Variants in LRRC55 observed in about 807,000 individuals in gnomAD.
The protein encoded by LRRC55 is leucine rich repeat containing 55.
In LRRC55, 11 loss-of-function variants were observed where a neutral mutation model predicts 20.5. The observed-to-expected ratio is 0.54, with a 90% CI of 0.34 to 0.89. The LOEUF is 0.89. Among genes scored for constraint, LRRC55 ranks in the 40% least tolerant of loss-of-function variants. The pLI is 0.02. For missense variants in LRRC55, 358 were observed against 390.9 expected, an observed-to-expected ratio of 0.92 and a Z score of 0.71; for synonymous variants, 188 against 166.6, an observed-to-expected ratio of 1.13 and a Z score of -0.99.
chr11:57,183,511 G>A (rs1854389777), intron 1 of LRRC55, among the ~76,000 whole-genome samples: 1 of 152,192 alleles, frequency 6.6e-6, no homozygotes, highest in Non-Finnish European at 1.5e-5. Context: ...GCTAAGTGTT[G>A]AAGCCAGGAT....
At chr11:57,183,171 G>A (rs962480828) in intron 1 of LRRC55, among the ~76,000 whole-genome samples, 1 of 152,160 alleles carries the variant, frequency 6.6e-6, no homozygotes, top group African/African-American at 2.4e-5. Context: ...AAAGTGGCAG[G>A]ACCATGAATA....
At position 57,182,193 on chromosome 11, in the gene LRRC55, C is replaced by A; in HGVS notation, c.171C>A (p.Phe57Leu). The A allele has an allele frequency of 6.2e-7, 1 of 1,614,214 alleles. No homozygotes were observed. Among genetic ancestry groups the A allele is most frequent in the South Asian group, 1.1e-5 (1 of 91,088 alleles). ...QVVDCSSQRLFSVPPDLPMDT... is the reference protein window; with the variant it reads ...QVVDCSSQRLLSVPPDLPMDT... Reference sequence around the variant, plus strand: ...TGGATTGTAGCAGCCAGCGGCTATTCTCCGTGCCCCCAGACCTGCCAATGG... The same window carrying A: ...TGGATTGTAGCAGCCAGCGGCTATTATCCGTGCCCCCAGACCTGCCAATGG... The change falls in exon 1 of 2, where the codon TTC (phenylalanine) becomes TTA (leucine). Residue 57 changes from phenylalanine to leucine, a missense_variant. Coordinates refer to ENST00000497933, the MANE Select transcript of LRRC55 (RefSeq NM_001005210.4).
intron 1 of LRRC55, among the ~76,000 whole-genome samples, chr11:57,185,729 G>T (rs1854423949): frequency 6.6e-6 from 1 of 152,146 alleles, no homozygotes; most frequent in Admixed American, 6.5e-5. Context: ...TCAAAAGCTG[G>T]TGCCTAAAGC....
Position 57,188,766 on chromosome 11 carries a change from A to G in LRRC55, c.*1286A>G, listed in dbSNP as rs1258534766. On this transcript the variant is annotated 3_prime_UTR_variant, in exon 2 of 2. Transcript: ENST00000497933. ...GAGTTATATAAATTCAAATTCAACTAGAGCTGACAAAGTTCCTCATAAGGT... is the reference window on the plus strand; with the variant it reads ...GAGTTATATAAATTCAAATTCAACTGGAGCTGACAAAGTTCCTCATAAGGT... 6.6e-6 allele frequency: 1 copy of G among 152,256 alleles called. No homozygotes were observed. The highest frequency in any genetic ancestry group is 1.5e-5 in the Non-Finnish European group (1 of 68,052). The allele number at this position is 152,256 out of a possible 1,614,324, so 9.4% of individuals were successfully genotyped here.
Position 57,187,704 on chromosome 11 carries a change from T to G in LRRC55, c.*224T>G, listed in dbSNP as rs1377875156. 1 of 605,122 alleles carries G rather than the reference T, an allele frequency of 1.7e-6. No homozygotes were observed. The highest frequency in any genetic ancestry group is 2.9e-6 in the Non-Finnish European group (1 of 342,244). 37.5% of individuals were successfully genotyped at this position (605,122 alleles called of 1,614,324 possible). ...GACTCAGTCCCTGCCCTCAAGGCAC[T>G]TCCCTCTGGTCAAGGAGAGAGATCC... On this transcript the variant is annotated 3_prime_UTR_variant, in exon 2 of 2. Coordinates refer to ENST00000497933, the MANE Select transcript of LRRC55 (RefSeq NM_001005210.4).
chr11:57,182,760 G>A, intron 1 of LRRC55, 77 bp downstream of exon 1: 2 of 1,370,872 alleles, frequency 1.5e-6, no homozygotes, highest in East Asian at 2.5e-5. Flanking sequence ...AAGAAAGCGG[G>A]GGAACTTAGA....
In LRRC55 at chr11:57,187,393, T is replaced by C; in HGVS notation, c.810T>C (p.Ile270=). 1 of 1,614,238 alleles carries C rather than the reference T, an allele frequency of 6.2e-7. No individual in the cohort carries two copies. Among genetic ancestry groups the C allele is most frequent in the Non-Finnish European group, 8.5e-7 (1 of 1,180,036 alleles). Residue 270 remains isoleucine (I), a synonymous_variant, in exon 2 of 2, where the codon ATT becomes ATC. Transcript: ENST00000497933. ...FIAFVGFVVS[I]ASVATNFLLG... is the part of the protein sequence containing the mutation. ...CGTTCGTGGGCTTCGTGGTCTCCATTGCTTCTGTGGCCACCAACTTCCTCC... is the reference window on the plus strand; with the variant it reads ...CGTTCGTGGGCTTCGTGGTCTCCATCGCTTCTGTGGCCACCAACTTCCTCC...
At position 57,182,673 on chromosome 11, in the gene LRRC55, C is replaced by A. The variant is rs201427141; in HGVS notation, c.651C>A (p.Arg217=). 1 of 1,510,664 alleles carries A rather than the reference C, an allele frequency of 6.6e-7. No homozygotes were observed. The highest frequency in any genetic ancestry group is 2.3e-5 in the Admixed American group (1 of 44,012). 93.6% of individuals were successfully genotyped at this position (1,510,664 alleles called of 1,614,324 possible). A position where few individuals can be genotyped will look rare whatever the true frequency, so the allele number is the denominator to read the frequency against. The change falls in exon 1 of 2, where the codon CGC becomes CGA. Residue 217 remains arginine (R), a synonymous_variant. Coordinates refer to ENST00000497933, the MANE Select transcript of LRRC55 (RefSeq NM_001005210.4). ...LLKWLRNRIQ[R]CTADSQLAEC... Reference sequence around the variant, plus strand: ...AGTGGCTGCGAAACCGGATCCAGCGCTGTACAGCAGGTAATAGAGGGGCAG... The same window carrying A: ...AGTGGCTGCGAAACCGGATCCAGCGATGTACAGCAGGTAATAGAGGGGCAG...
At chr11:57,186,830 C>T (rs1854437182) in intron 1 of LRRC55, among the ~76,000 whole-genome samples, 1 of 152,202 alleles carries the variant, frequency 6.6e-6, no homozygotes, top group Non-Finnish European at 1.5e-5. Context: ...GAAGGTGTGG[C>T]AGGACATCAG....
At chr11:57,186,721 C>A (rs548784934) in intron 1 of LRRC55, among the ~76,000 whole-genome samples, 25 of 152,220 alleles carry the variant, frequency 1.6e-4, no homozygotes, top group African/African-American at 6.0e-4. Flanking sequence ...AAGTAAGGAA[C>A]AGAGTGGAAG....
At position 57,182,534 on chromosome 11, in the gene LRRC55, A is replaced by C. The variant is rs1288095561; in HGVS notation, c.512A>C (p.Tyr171Ser). 1 of 1,584,580 alleles carries C rather than the reference A, an allele frequency of 6.3e-7. No homozygotes were observed. Among genetic ancestry groups the C allele is most frequent in the South Asian group, 1.1e-5 (1 of 87,040 alleles). ...CAGCTCCGAGACCTGGACCTCAGTTATGGGGGCCTGGCCTTCCTCAGCCTG... is the reference window on the plus strand; with the variant it reads ...CAGCTCCGAGACCTGGACCTCAGTTCTGGGGGCCTGGCCTTCCTCAGCCTG... ...LMQLRDLDLS[Y>S]GGLAFLSLEA... is the part of the protein sequence containing the mutation. The change falls in exon 1 of 2, where the codon TAT (tyrosine) becomes TCT (serine). Residue 171 changes from tyrosine to serine, a missense_variant. This residue lies in a region of LRRC55 where 178 missense variants were observed against 207.9 expected (regional missense o/e 0.86). Transcript: ENST00000497933.
Position 57,185,881 on chromosome 11 carries a change from C to T in LRRC55, c.662-1364C>T, listed in dbSNP as rs556587119. ...TCAATGCTGAAAATAACAATAACCC[C>T]ACCAGAAAAAGCAGCCCCCTCCTAC... On this transcript the variant is annotated intron_variant, in intron 1 of 1. Coordinates refer to ENST00000497933, the MANE Select transcript of LRRC55 (RefSeq NM_001005210.4). Among the ~76,000 whole-genome samples, 17 of 152,058 alleles carry T rather than the reference C, an allele frequency of 1.1e-4. 1 individual carries two copies. The South Asian group carries it at 3.5e-3, about 32-fold the overall frequency.
Position 57,182,268 on chromosome 11 carries a change from T to C in LRRC55, c.246T>C (p.Pro82=). 6 of 1,614,192 alleles carry C rather than the reference T, an allele frequency of 3.7e-6. No individual in the cohort carries two copies. The highest frequency in any genetic ancestry group is 4.2e-6 in the Non-Finnish European group (5 of 1,180,014). Residue 82 remains proline (P), a synonymous_variant, in exon 1 of 2, where the codon CCT becomes CCC. Coordinates refer to ENST00000497933, the MANE Select transcript of LRRC55 (RefSeq NM_001005210.4). ...ACAACCGCATCACAGCAGTGCCGCC[T>C]GGCTACCTCACATGCTACATGGAGC... The part of the protein sequence containing the change: ...LAHNRITAVP[P]GYLTCYMELQ...
intron 1 of LRRC55, among the ~76,000 whole-genome samples, chr11:57,185,847 A>T (rs917976404): frequency 1.4e-4 from 22 of 152,076 alleles, no homozygotes; most frequent in African/African-American, 5.3e-4. Context: ...GAAGAATGAG[A>T]TGAGACCATC....
In LRRC55 at chr11:57,189,821, T is replaced by C. The variant is rs1407720458; in HGVS notation, c.*2341T>C. Reference sequence around the variant, plus strand: ...GCCTGAAAGGAATGAAGGAGGCTAATAAGTCATCTTCCAGGAAGGCATCCC... The same window carrying C: ...GCCTGAAAGGAATGAAGGAGGCTAACAAGTCATCTTCCAGGAAGGCATCCC... On this transcript the variant is annotated 3_prime_UTR_variant, in exon 2 of 2. Coordinates refer to ENST00000497933, the MANE Select transcript of LRRC55 (RefSeq NM_001005210.4). 1 of 152,206 alleles carries C rather than the reference T, an allele frequency of 6.6e-6. No individual in the cohort carries two copies. Among genetic ancestry groups the C allele is most frequent in the Non-Finnish European group, 1.5e-5 (1 of 68,050 alleles). 9.4% of individuals were successfully genotyped at this position (152,206 alleles called of 1,614,324 possible).
At chr11:57,185,461 A>C (rs1180546958) in intron 1 of LRRC55, among the ~76,000 whole-genome samples, 1 of 151,164 alleles carries the variant, frequency 6.6e-6, no homozygotes, top group East Asian at 1.9e-4. Flanking sequence ...TTGTATTTTT[A>C]GTAGAGATGG....
rs759030873 is a variant in LRRC55 at position 57,187,235 on chromosome 11, T to C, written c.662-10T>C. 39 of 1,612,070 alleles carry C rather than the reference T, an allele frequency of 2.4e-5. No homozygotes were observed. The highest frequency in any genetic ancestry group is 5.0e-5 in the Admixed American group (3 of 60,000). ...TGGGTACCTCACCCTCCCTGGCTTC[T>C]GTGTTACAGATTCTCAGCTGGCTGA... is the stretch of plus-strand genomic sequence containing the variant. On this transcript the variant is annotated splice_polypyrimidine_tract_variant and intron_variant, in intron 1 of 1. Coordinates refer to ENST00000497933, the MANE Select transcript of LRRC55 (RefSeq NM_001005210.4).
chr11:57,186,907 G>A (rs1036584559), intron 1 of LRRC55, among the ~76,000 whole-genome samples: 4 of 152,190 alleles, frequency 2.6e-5, no homozygotes, highest in Non-Finnish European at 5.9e-5. Context: ...GTCCCAGCCT[G>A]CAGGCTGAGG....
chr11:57,190,622 T>G lies in LRRC55; in HGVS notation c.*3142T>G, dbSNP rs755854605. ...TCTGCGAGGTTCCTTGTATATTGGC[T>G]GTCCGCTGACTTGGGACAGATCTCT... On this transcript the variant is annotated 3_prime_UTR_variant, in exon 2 of 2. Coordinates refer to ENST00000497933, the MANE Select transcript of LRRC55 (RefSeq NM_001005210.4). 2.0e-5 allele frequency: 3 copies of G among 152,234 alleles called. No individual in the cohort carries two copies. The highest frequency in any genetic ancestry group is 4.4e-5 in the Non-Finnish European group (3 of 68,042). 9.4% of individuals were successfully genotyped at this position (152,234 alleles called of 1,614,324 possible).
Sources: allele counts gnomAD v4.1 joint callset (sites outside exome capture counted in the v4.1 genomes callset), GRCh38; gene constraint gnomAD v4.1.1; regional missense constraint gnomAD v4.1.1; transcripts MANE v1.5; gene names NCBI Gene and HGNC (gene_info 2026-07-23, HGNC 2026-07-21).